CHRM3: variants seen among roughly 807,000 people sequenced by gnomAD.
CHRM3 encodes the protein muscarinic acetylcholine receptor M3.
Under a neutral mutation model 41.8 loss-of-function variants are expected in CHRM3, and 11 were observed. That is an observed-to-expected ratio of 0.26 (90% CI 0.17 to 0.44). The LOEUF (loss-of-function observed/expected upper bound fraction) is 0.44, where lower values mean the gene tolerates loss of function less well. Ranked by LOEUF, CHRM3 falls within the 20% of genes least tolerant of loss-of-function variation. The pLI, the probability that CHRM3 is intolerant of heterozygous loss-of-function variation, is 1.00. For synonymous variants in CHRM3, 297 were observed against 301.4 expected (o/e 0.99, Z 0.15); for missense variants, 571 against 745.4 (o/e 0.77, Z 2.72).
At chr1:239,651,981 TTTTG>T (rs1254483160) in intron 4 of CHRM3, among the ~76,000 whole-genome samples, 1 of 91,236 alleles carries the variant, frequency 1.1e-5, no homozygotes, top group Non-Finnish European at 2.1e-5. Flanking sequence ...TTTCGCCAGT[TTTTG>T]TTTTTTTTTT....
intron 1 of CHRM3, among the ~76,000 whole-genome samples, chr1:239,489,534 A>G (rs779788833): frequency 2.6e-5 from 4 of 152,172 alleles, no homozygotes; most frequent in Non-Finnish European, 5.9e-5. Flanking sequence ...TTCAATACCT[A>G]TCTTGTGGAA....
intron 6 of CHRM3, among the ~76,000 whole-genome samples, chr1:239,900,947 C>T (rs1394956418): frequency 6.6e-6 from 1 of 152,190 alleles, no homozygotes; most frequent in Non-Finnish European, 1.5e-5. Flanking sequence ...TCACCACAAA[C>T]TTAGCAGCTT....
chr1:239,606,338 C>G (rs1344186720), intron 3 of CHRM3: 1 of 151,958 alleles, frequency 6.6e-6, no homozygotes, highest in Admixed American at 6.6e-5. Flanking sequence ...TGCAGTGGCG[C>G]AATCTCGGCT....
chr1:239,466,046 A>G (rs1043395554), intron 1 of CHRM3, among the ~76,000 whole-genome samples: 1 of 151,838 alleles, frequency 6.6e-6, no homozygotes, highest in Non-Finnish European at 1.5e-5. Context: ...CAGGCTGGAG[A>G]GCAATGGCGT....
intron 6 of CHRM3, among the ~76,000 whole-genome samples, chr1:239,870,693 C>G (rs1676500941): frequency 6.6e-6 from 1 of 152,270 alleles, no homozygotes; most frequent in Admixed American, 6.5e-5. Context: ...TGCTTGTATT[C>G]ATGGAATAGC....
At chr1:239,574,259 G>A (rs1662118143) in intron 3 of CHRM3, among the ~76,000 whole-genome samples, 1 of 152,118 alleles carries the variant, frequency 6.6e-6, no homozygotes, top group South Asian at 2.1e-4. Context: ...TTCACTCAGA[G>A]AAAAAGCCAG....
intron 5 of CHRM3, among the ~76,000 whole-genome samples, chr1:239,786,439 T>A (rs969614619): frequency 6.6e-6 from 1 of 152,176 alleles, no homozygotes; most frequent in Admixed American, 6.5e-5. Context: ...ATTCCCATCT[T>A]ATAGATAAGG....
intron 4 of CHRM3, among the ~76,000 whole-genome samples, chr1:239,637,783 T>TAATAATAATTATTATTA (rs1212752145): frequency 6.6e-6 from 1 of 151,092 alleles, no homozygotes; most frequent in African/African-American, 2.4e-5. Context: ...ATTATTATTA[T>TAATAATAATTATTATTA]ACTTTAAGTT....
At chr1:239,571,164 C>T (rs1394287299) in intron 3 of CHRM3, among the ~76,000 whole-genome samples, 3 of 152,006 alleles carry the variant, frequency 2.0e-5, no homozygotes, top group African/African-American at 7.2e-5. Context: ...TAAGTGGCTG[C>T]CAGTTAAAAA....
intron 4 of CHRM3, among the ~76,000 whole-genome samples, chr1:239,650,022 C>T (rs1413718113): frequency 6.6e-6 from 1 of 152,208 alleles, no homozygotes; most frequent in Non-Finnish European, 1.5e-5. Context: ...GGTCTTTGAT[C>T]TCAGACAGCC....
intron 1 of CHRM3, among the ~76,000 whole-genome samples, chr1:239,453,709 C>T (rs1664727618): frequency 6.6e-6 from 1 of 152,144 alleles, no homozygotes; most frequent in Non-Finnish European, 1.5e-5. Context: ...TGCAAATACT[C>T]TAAAAGTGTT....
chr1:239,599,461 G>T (rs1665242381), intron 3 of CHRM3, among the ~76,000 whole-genome samples: 1 of 148,792 alleles, frequency 6.7e-6, no homozygotes, highest in Non-Finnish European at 1.5e-5. Context: ...CTGTATTTAA[G>T]GGTTTCCCAT....
chr1:239,448,845 A>G (rs1274381783), intron 1 of CHRM3, among the ~76,000 whole-genome samples: 2 of 152,190 alleles, frequency 1.3e-5, no homozygotes, highest in Non-Finnish European at 2.9e-5. Context: ...CAGAGACTAG[A>G]CAATGAGCTA....
chr1:239,830,204 A>G lies in CHRM3; in HGVS notation c.-20+2826A>G, dbSNP rs575633103. On this transcript the variant is annotated intron_variant, in intron 6 of 6. Transcript: ENST00000676153. ...TGAGCTTATATTCATACATCTGTCA[A>G]ATAAAGATTAAAATATGTACTTCTT... Among the ~76,000 whole-genome samples, 20 of 152,310 alleles carry G rather than the reference A, an allele frequency of 1.3e-4. No individual in the cohort carries two copies. In the South Asian group the frequency reaches 3.9e-3, roughly 30 times the overall value.
Position 239,564,317 on chromosome 1 carries a change from A to G in CHRM3, c.-313+18568A>G, listed in dbSNP as rs140826174. Among the ~76,000 whole-genome samples the G allele has an allele frequency of 5.6e-4, 86 of 152,306 alleles. 1 individual carries two copies. The highest frequency in any genetic ancestry group is 6.8e-3 in the Middle Eastern group (2 of 294). Reference sequence around the variant, plus strand: ...TAAGGAAATAGAGGAACTGATGCAAATAAGAGATAAGATATCCAAAAGATA... The same window carrying G: ...TAAGGAAATAGAGGAACTGATGCAAGTAAGAGATAAGATATCCAAAAGATA... On this transcript the variant is annotated intron_variant, in intron 3 of 6. Transcript: ENST00000676153.
intron 3 of CHRM3, among the ~76,000 whole-genome samples, chr1:239,614,764 A>AT (rs940264753): frequency 6.6e-6 from 1 of 152,084 alleles, no homozygotes; most frequent in Non-Finnish European, 1.5e-5. Flanking sequence ...AACAAAACAC[A>AT]TTTTTTCAGG....
chr1:239,491,870 T>C, intron 1 of CHRM3, among the ~76,000 whole-genome samples: 1 of 152,220 alleles, frequency 6.6e-6, no homozygotes, highest in Non-Finnish European at 1.5e-5. Flanking sequence ...TCTGGGTTGT[T>C]TTGAAAGCCA....
At chr1:239,568,567 A>G (rs748916957) in intron 3 of CHRM3, among the ~76,000 whole-genome samples, 8 of 152,148 alleles carry the variant, frequency 5.3e-5, no homozygotes, top group Non-Finnish European at 1.2e-4. Context: ...TGATACACCC[A>G]GCTTTGCTTT....
At chr1:239,689,335 T>C (rs1659482910) in intron 5 of CHRM3, among the ~76,000 whole-genome samples, 1 of 152,128 alleles carries the variant, frequency 6.6e-6, no homozygotes, top group Non-Finnish European at 1.5e-5. Flanking sequence ...AAGGAACCAA[T>C]GTTGCCTTAG....
Sources: allele counts gnomAD v4.1 joint callset (sites outside exome capture counted in the v4.1 genomes callset), GRCh38; gene constraint gnomAD v4.1.1; transcripts MANE v1.5; gene names NCBI Gene and HGNC (gene_info 2026-07-23, HGNC 2026-07-21).